DOCK3: variants seen among roughly 807,000 people sequenced by gnomAD.
The protein encoded by DOCK3 is dedicator of cytokinesis 3.
A neutral mutation model predicts 265.6 loss-of-function variants in DOCK3; 60 were observed. That is an observed-to-expected ratio of 0.23 (90% CI 0.18 to 0.28). DOCK3 has a LOEUF of 0.28. Among genes scored for constraint, DOCK3 ranks in the 10% least tolerant of loss-of-function variants. The pLI is 1.00. For missense variants in DOCK3, 1,981 were observed against 2,594.3 expected (o/e 0.76, Z 5.14); for synonymous variants, 881 against 938.0 (o/e 0.94, Z 1.11).
In DOCK3 at chr3:51,384,194, A is replaced by G. The variant is rs563852241; in HGVS notation, c.*2635A>G. 6.6e-6 allele frequency: 1 copy of G among 152,600 alleles called. No homozygotes were observed. The highest frequency in any genetic ancestry group is 6.5e-5 in the Admixed American group (1 of 15,294). 9.5% of individuals were successfully genotyped at this position (152,600 alleles called of 1,614,324 possible). On this transcript the variant is annotated 3_prime_UTR_variant, in exon 53 of 53. Coordinates refer to ENST00000266037, the MANE Select transcript of DOCK3 (RefSeq NM_004947.5). ...TGTGAATTAAAGATAAATACGTGAT[A>G]CTGATCCACTGAATTCACTGAATGG...
intron 1 of DOCK3, among the ~76,000 whole-genome samples, chr3:50,741,198 T>C (rs1363874987): frequency 2.0e-5 from 3 of 151,936 alleles, no homozygotes; most frequent in Non-Finnish European, 4.4e-5. Context: ...ACACTTACAT[T>C]GTTTCCACCT....
chr3:51,290,097 C>A, intron 27 of DOCK3, among the ~76,000 whole-genome samples: 1 of 152,182 alleles, frequency 6.6e-6, no homozygotes, highest in East Asian at 1.9e-4. Context: ...GGACTGTAAA[C>A]TGGTTCAACC....
chr3:51,020,460 G>T (rs926769151), intron 5 of DOCK3, among the ~76,000 whole-genome samples: 24 of 151,832 alleles, frequency 1.6e-4, no homozygotes, highest in Non-Finnish European at 3.4e-4. Flanking sequence ...CTGTGCAGAA[G>T]CTCTTTAGTT....
At chr3:51,336,730 A>G in intron 35 of DOCK3, 1 of 379,792 alleles carries the variant, frequency 2.6e-6, no homozygotes, top group Non-Finnish European at 5.3e-6. Context: ...AGAGCACAGA[A>G]GTGTGTAGGA....
chr3:50,988,498 A>G (rs1313709963), intron 5 of DOCK3, among the ~76,000 whole-genome samples: 2 of 152,194 alleles, frequency 1.3e-5, no homozygotes, highest in South Asian at 4.1e-4. Flanking sequence ...ACGGGGCCAA[A>G]GTGGATGCCC....
At chr3:50,704,545 C>T (rs943372123) in intron 1 of DOCK3, among the ~76,000 whole-genome samples, 4 of 151,612 alleles carry the variant, frequency 2.6e-5, no homozygotes, top group Non-Finnish European at 4.4e-5. Context: ...CTCCAGTATG[C>T]GTGGAAACAT....
At chr3:51,020,608 AC>A (rs1248364198) in intron 5 of DOCK3, among the ~76,000 whole-genome samples, 2 of 151,754 alleles carry the variant, frequency 1.3e-5, no homozygotes, top group Non-Finnish European at 2.9e-5. Flanking sequence ...TCTGGGTTTT[AC>A]CTTGAAGTCT....
At chr3:51,068,896 A>T (rs1476784300) in intron 6 of DOCK3, among the ~76,000 whole-genome samples, 2 of 152,192 alleles carry the variant, frequency 1.3e-5, no homozygotes, top group African/African-American at 4.8e-5. Context: ...ATAGGAACTG[A>T]ACTGGTCCTG....
intron 5 of DOCK3, among the ~76,000 whole-genome samples, chr3:50,937,420 C>T (rs542495832): frequency 9.7e-4 from 148 of 151,922 alleles, no homozygotes; most frequent in African/African-American, 3.3e-3. Flanking sequence ...TTTGGGAGGC[C>T]GAGGCGGGCA....
chr3:50,791,889 T>C (rs1465425434), intron 2 of DOCK3, among the ~76,000 whole-genome samples: 1 of 152,210 alleles, frequency 6.6e-6, no homozygotes, highest in Non-Finnish European at 1.5e-5. Flanking sequence ...TTCTTTTTGC[T>C]TAGGATTGCC....
chr3:50,793,363 T>TC (rs1048059014), intron 2 of DOCK3, among the ~76,000 whole-genome samples: 2 of 149,456 alleles, frequency 1.3e-5, no homozygotes, highest in African/African-American at 4.9e-5. Flanking sequence ...TTTTTCTTTT[T>TC]TTTTTTTTTT....
intron 9 of DOCK3, among the ~76,000 whole-genome samples, chr3:51,108,051 T>A (rs1354584326): frequency 6.6e-6 from 1 of 151,826 alleles, no homozygotes; most frequent in Non-Finnish European, 1.5e-5. Flanking sequence ...CTTTTTTTTT[T>A]TTTTTGAGAC....
At chr3:51,233,296 C>T (rs765561296) in intron 19 of DOCK3, among the ~76,000 whole-genome samples, 1 of 151,998 alleles carries the variant, frequency 6.6e-6, no homozygotes, top group Non-Finnish European at 1.5e-5. Context: ...TTTATTATTT[C>T]TTTTAGCAGT....
At chr3:50,885,061 C>T (rs2048257869) in intron 3 of DOCK3, among the ~76,000 whole-genome samples, 1 of 152,164 alleles carries the variant, frequency 6.6e-6, no homozygotes. Flanking sequence ...CCCACTTCCC[C>T]TAGGAACCTT....
chr3:50,680,573 CT>C (rs1214855351), intron 1 of DOCK3, among the ~76,000 whole-genome samples: 7 of 136,582 alleles, frequency 5.1e-5, no homozygotes, highest in African/African-American at 2.0e-4. Context: ...GGCTTGTGTG[CT>C]ATGGCATGAT....
rs143142517 is a variant in DOCK3 at position 50,899,049 on chromosome 3, G to A, written c.218+8968G>A. 3.5e-3 allele frequency among the ~76,000 whole-genome samples: 528 copies of A among 152,184 alleles called. 4 individuals carry two copies. The highest frequency in any genetic ancestry group is 0.012 in the African/African-American group (507 of 41,520). Reference sequence around the variant, plus strand: ...AATATCCTTGTTAATTTTCTGTCTCGTTGATCTGTCTAATATTGGCAGTGG... The same window carrying A: ...AATATCCTTGTTAATTTTCTGTCTCATTGATCTGTCTAATATTGGCAGTGG... On this transcript the variant is annotated intron_variant, in intron 4 of 52. Transcript: ENST00000266037.
chr3:51,239,305 G>A (rs1369548214), intron 21 of DOCK3, among the ~76,000 whole-genome samples: 1 of 151,926 alleles, frequency 6.6e-6, no homozygotes, highest in African/African-American at 2.4e-5. Flanking sequence ...CGCCTCCTGG[G>A]TTCAAGCGAT....
chr3:50,789,845 G>A (rs546595248), intron 2 of DOCK3, among the ~76,000 whole-genome samples: 11 of 152,314 alleles, frequency 7.2e-5, no homozygotes, highest in African/African-American at 2.6e-4. Context: ...CGATTCTTGT[G>A]TCTCAGCCTC....
At chr3:51,061,712 T>TA (rs548274353) in intron 5 of DOCK3, among the ~76,000 whole-genome samples, 159 of 145,126 alleles carry the variant, frequency 1.1e-3, no homozygotes, top group African/African-American at 1.6e-3. Context: ...TAAAGTATAA[T>TA]AAAAAAAAAA....
Sources: gnomAD v4.1 joint callset for allele counts (sites outside exome capture counted in the v4.1 genomes callset) on GRCh38, gnomAD v4.1.1 for gene constraint, MANE v1.5 for transcripts, NCBI Gene and HGNC (gene_info 2026-07-23, HGNC 2026-07-21) for gene names.